The following BAZ2A variants were observed in gnomAD, a reference collection of about 807,000 sequenced individuals.
The protein encoded by BAZ2A is bromodomain adjacent to zinc finger domain protein 2A.
In BAZ2A, 34 loss-of-function variants were observed where a neutral mutation model predicts 199.9. That is an observed-to-expected ratio of 0.17 (90% CI 0.13 to 0.23). BAZ2A has a LOEUF of 0.23. Ranked by LOEUF, BAZ2A falls within the 10% of genes least tolerant of loss-of-function variation. BAZ2A has a pLI of 1.00. For synonymous variants in BAZ2A, 857 were observed against 883.9 expected, an observed-to-expected ratio of 0.97 and a Z score of 0.54; for missense variants, 2,002 against 2,391.1, an observed-to-expected ratio of 0.84 and a Z score of 3.39.
intron 1 of BAZ2A, among the ~76,000 whole-genome samples, chr12:56,626,033 A>G (rs1951088405): frequency 6.6e-6 from 1 of 152,204 alleles, no homozygotes; most frequent in African/African-American, 2.4e-5. Context: ...TGCTACTTTT[A>G]CTGCTAGTGA....
intron 3 of BAZ2A, 146 bp downstream of exon 3, chr12:56,614,868 G>A (rs1565825496): frequency 3.6e-6 from 3 of 836,012 alleles, no homozygotes; most frequent in Non-Finnish European, 3.7e-6. Context: ...CCAGCCACTT[G>A]GCTCTGCTAA....
chr12:56,629,565 A>C (rs1028213744), intron 1 of BAZ2A, among the ~76,000 whole-genome samples: 2 of 152,000 alleles, frequency 1.3e-5, no homozygotes, highest in Admixed American at 6.5e-5. Context: ...GCGCAGCACC[A>C]CCCTCAGCAA....
At chr12:56,602,552 G>A (rs994166593) in intron 19 of BAZ2A, among the ~76,000 whole-genome samples, 161 bp downstream of exon 19, 6 of 152,206 alleles carry the variant, frequency 3.9e-5, no homozygotes, top group Admixed American at 1.3e-4. Flanking sequence ...AGCTGGAAAT[G>A]GCAGAGCAGG....
upstream of BAZ2A, among the ~76,000 whole-genome samples, chr12:56,631,215 G>C (rs1252698282): frequency 2.0e-5 from 3 of 152,118 alleles, no homozygotes; most frequent in African/African-American, 7.2e-5. Flanking sequence ...CACTTTGGGA[G>C]GCCGAGGCAG....
At chr12:56,632,504 C>A (rs888626867), upstream of BAZ2A, among the ~76,000 whole-genome samples, 2 of 152,152 alleles carry the variant, frequency 1.3e-5, no homozygotes, top group African/African-American at 4.8e-5. Flanking sequence ...CACACACACC[C>A]ACCACTGGCT....
chr12:56,599,284 C>T lies in BAZ2A; in HGVS notation c.5247G>A (p.Leu1749=), dbSNP rs771956454. 6.2e-7 allele frequency: 1 copy of T among 1,613,580 alleles called. No homozygotes were observed. Among genetic ancestry groups the T allele is most frequent in the South Asian group, 1.1e-5 (1 of 91,004 alleles). The change falls in exon 27 of 29, where the codon CTG becomes CTA. Residue 1749 remains leucine, a synonymous_variant. Transcript: ENST00000549884. ...GGCGGCCATCACCCTCTGAGAAGTT[C>T]AGCGAATAACCACTTTTCCGCTTCT... The part of the protein sequence containing the change: ...RGQKRKSGYS[L]NFSEGDGRRR...
At chr12:56,620,171 A>AC (rs1331603949) in intron 1 of BAZ2A, among the ~76,000 whole-genome samples, 2 of 152,128 alleles carry the variant, frequency 1.3e-5, no homozygotes, top group African/African-American at 4.8e-5. Flanking sequence ...GCTTTAAAAA[A>AC]AAAAAAAAAA....
At chr12:56,633,304 A>T (rs1951363136), upstream of BAZ2A, among the ~76,000 whole-genome samples, 2 of 152,040 alleles carry the variant, frequency 1.3e-5, no homozygotes, top group South Asian at 4.1e-4. Flanking sequence ...CTCCCCCACC[A>T]GATACTCCTG....
At chr12:56,624,619 A>AAAC (rs1951023048) in intron 1 of BAZ2A, among the ~76,000 whole-genome samples, 1 of 151,414 alleles carries the variant, frequency 6.6e-6, no homozygotes, top group South Asian at 2.1e-4. Flanking sequence ...CAGAGAACAA[A>AAAC]AAAAAAAAAA....
At chr12:56,605,777 TTA>T in intron 13 of BAZ2A, 51 bp downstream of exon 13, 1 of 1,506,320 alleles carries the variant, frequency 6.6e-7, no homozygotes, top group Non-Finnish European at 8.9e-7. Flanking sequence ...TTTTTTTTTT[TTA>T]AAGGAAAGTC....
chr12:56,620,414 T>C (rs1592609604), intron 1 of BAZ2A, among the ~76,000 whole-genome samples: 1 of 151,918 alleles, frequency 6.6e-6, no homozygotes, highest in African/African-American at 2.4e-5. Flanking sequence ...GGCAGGAGGA[T>C]TGTTTGAGCC....
chr12:56,630,654 G>T, upstream of BAZ2A: 1 of 590,542 alleles, frequency 1.7e-6, no homozygotes, highest in Non-Finnish European at 2.1e-6. Flanking sequence ...AAGAGTCAGG[G>T]GAATTTCGGG....
In BAZ2A at chr12:56,612,152, AGC is replaced by A; in HGVS notation, c.1228_1229del (p.Ala410SerfsTer2). ...GCTGAATAGTGGATGACTGATCAGG[AGC>A]TGGCTGGGTCAGGGATGGTGGGAAG... ...SDFPPSLTQP[A>X]PDQSSTIQLH... On this transcript the variant is annotated frameshift_variant, in exon 6 of 29. Coordinates refer to ENST00000549884, the MANE Select transcript of BAZ2A (RefSeq NM_001300905.2). LOFTEE classifies it high-confidence loss of function. 2 of 1,613,958 alleles carry A rather than the reference AGC, an allele frequency of 1.2e-6. No homozygotes were observed. Among genetic ancestry groups the A allele is most frequent in the South Asian group, 2.2e-5 (2 of 91,080 alleles).
intron 2 of BAZ2A, among the ~76,000 whole-genome samples, chr12:56,615,898 G>A (rs986424302): frequency 2.1e-4 from 32 of 151,726 alleles, no homozygotes; most frequent in Non-Finnish European, 3.8e-4. Context: ...GCTTTTTTTT[G>A]GTTTATTTTT....
chr12:56,603,432 C>T lies in BAZ2A; in HGVS notation c.3220-14G>A, dbSNP rs974296797. On this transcript the variant is annotated splice_polypyrimidine_tract_variant and intron_variant, in intron 17 of 28. Transcript: ENST00000549884. ...TGTGGCATCAACCTAGGGAGAAACA[C>T]ATGGGCATTATGAAAAAGGAGGTTA... 7.4e-6 allele frequency: 12 copies of T among 1,613,824 alleles called. No homozygotes were observed. Among genetic ancestry groups the T allele is most frequent in the Non-Finnish European group, 1.0e-5 (12 of 1,179,868 alleles).
In BAZ2A at chr12:56,600,669, A is replaced by T. The variant is rs768629695; in HGVS notation, c.4602+12T>A. The T allele has an allele frequency of 6.2e-7, 1 of 1,611,590 alleles. No individual in the cohort carries two copies. Among genetic ancestry groups the T allele is most frequent in the East Asian group, 2.2e-5 (1 of 44,884 alleles). On this transcript the variant is annotated intron_variant, in intron 23 of 28. Coordinates refer to ENST00000549884, the MANE Select transcript of BAZ2A (RefSeq NM_001300905.2). ...TCCCCAACCTTCCTACACAGTGCCA[A>T]TCCCAGCATACCCGAATCTGCAGAT...
intron 1 of BAZ2A, among the ~76,000 whole-genome samples, chr12:56,627,863 AAGAG>A (rs1313853854): frequency 1.3e-5 from 2 of 150,444 alleles, no homozygotes; most frequent in African/African-American, 4.9e-5. Flanking sequence ...GAGAAAAGAA[AAGAG>A]AGAGAGAAGA....
chr12:56,630,876 G>C (rs2137437076), upstream of BAZ2A: 1 of 985,312 alleles, frequency 1.0e-6, no homozygotes, highest in East Asian at 1.1e-4. Flanking sequence ...CTGTGCGTGG[G>C]GGAAAGAAGG....
In BAZ2A at chr12:56,596,786, TA is replaced by T; in HGVS notation, c.*1831del. 1 of 152,494 alleles carries T rather than the reference TA, an allele frequency of 6.6e-6. No individual in the cohort carries two copies. The highest frequency in any genetic ancestry group is 2.4e-5 in the African/African-American group (1 of 41,532). 9.4% of individuals were successfully genotyped at this position (152,494 alleles called of 1,614,324 possible). ...CTTAAAAGCAAAAAAAAATCTCAAA[TA>T]AAATTAAAAGTTTTGAGGTTTATCT... On this transcript the variant is annotated 3_prime_UTR_variant, in exon 29 of 29. Transcript: ENST00000549884.
Sources: allele counts gnomAD v4.1 joint callset (sites outside exome capture counted in the v4.1 genomes callset), GRCh38; gene constraint gnomAD v4.1.1; transcripts MANE v1.5; gene names NCBI Gene and HGNC (gene_info 2026-07-23, HGNC 2026-07-21).